The following BCAR3 variants were observed in gnomAD, a reference collection of about 807,000 sequenced individuals.
BCAR3 encodes the protein breast cancer anti-estrogen resistance protein 3.
Under a neutral mutation model 80.1 loss-of-function variants are expected in BCAR3, and 37 were observed. The observed-to-expected ratio is 0.46, with a 90% CI of 0.36 to 0.61. The LOEUF (loss-of-function observed/expected upper bound fraction) is 0.61. Ranked by LOEUF, BCAR3 falls within the 20% of genes least tolerant of loss-of-function variation. The pLI, the probability that BCAR3 is intolerant of heterozygous loss-of-function variation, is 0.00. For synonymous variants in BCAR3, 389 were observed against 418.9 expected, an observed-to-expected ratio of 0.93 and a Z score of 0.87; for missense variants, 978 against 1,068.2, an observed-to-expected ratio of 0.92 and a Z score of 1.18.
intron 3 of BCAR3, among the ~76,000 whole-genome samples, chr1:93,600,185 T>A (rs888919449): frequency 3.3e-5 from 5 of 152,264 alleles, no homozygotes; most frequent in African/African-American, 1.2e-4. Flanking sequence ...GCCTGGTCCC[T>A]GGGGGCGCAG....
chr1:93,696,494 C>A (rs884869), intron 3 of BCAR3, among the ~76,000 whole-genome samples: 109,601 of 151,730 alleles, frequency 0.72, 41,896 homozygotes, highest in East Asian at 0.98. Context: ...CTTCCCCCAC[C>A]ACCACTCTGG....
intron 3 of BCAR3, among the ~76,000 whole-genome samples, chr1:93,603,422 A>G (rs749269141): frequency 6.6e-6 from 1 of 152,216 alleles, no homozygotes; most frequent in Non-Finnish European, 1.5e-5. Flanking sequence ...TTCACTCAAG[A>G]GGCACTCTAC....
At chr1:93,831,430 G>A (rs958942192) in intron 2 of BCAR3, among the ~76,000 whole-genome samples, 3 of 152,128 alleles carry the variant, frequency 2.0e-5, no homozygotes, top group Admixed American at 2.0e-4. Context: ...AAACTTGACA[G>A]TAGTTCCAAG....
At chr1:93,801,101 C>T (rs1471879180) in intron 2 of BCAR3, among the ~76,000 whole-genome samples, 2 of 152,154 alleles carry the variant, frequency 1.3e-5, no homozygotes, top group Non-Finnish European at 2.9e-5. Context: ...TCCTCTTTTC[C>T]TTTTCTTCCT....
At chr1:93,809,978 A>G (rs1190560680) in intron 2 of BCAR3, among the ~76,000 whole-genome samples, 1 of 151,980 alleles carries the variant, frequency 6.6e-6, no homozygotes, top group East Asian at 1.9e-4. Flanking sequence ...AGGCAGGTGG[A>G]TCACCTGAGG....
intron 2 of BCAR3, among the ~76,000 whole-genome samples, chr1:93,736,492 G>A (rs557352154): frequency 1.8e-4 from 28 of 152,256 alleles, no homozygotes; most frequent in Middle Eastern, 3.4e-3. Flanking sequence ...TGGCCAATAA[G>A]CAGTTTAATT....
At chr1:93,661,341 C>T (rs1647643990) in intron 2 of BCAR3, among the ~76,000 whole-genome samples, 1 of 151,344 alleles carries the variant, frequency 6.6e-6, no homozygotes, top group African/African-American at 2.4e-5. Flanking sequence ...ACCCGGCCTA[C>T]AAATTTTTGT....
intron 3 of BCAR3, among the ~76,000 whole-genome samples, chr1:93,704,423 G>T (rs1211885181): frequency 6.6e-6 from 1 of 152,168 alleles, no homozygotes; most frequent in Non-Finnish European, 1.5e-5. Flanking sequence ...CATCTATAAG[G>T]TAGGTACTGC....
intron 2 of BCAR3, among the ~76,000 whole-genome samples, chr1:93,771,112 CA>C (rs1170552479): frequency 5.3e-5 from 8 of 152,154 alleles, no homozygotes; most frequent in African/African-American, 1.9e-4. Context: ...ACTGTGTTCT[CA>C]TTTTATCCTT....
In BCAR3 at chr1:93,726,190, G is replaced by T. The variant is rs185966803; in HGVS notation, c.-62-20048C>A. Among the ~76,000 whole-genome samples the T allele has an allele frequency of 5.6e-4, 85 of 152,072 alleles. No homozygotes were observed. The Middle Eastern group carries it at 0.017, about 30-fold the overall frequency. On this transcript the variant is annotated intron_variant, in intron 2 of 13. Coordinates refer to the BCAR3 transcript ENST00000370244. ...AGCGGTTCTCCCACCTCAGCCTCCT[G>T]AGTAGCTTAGACCACAAGTGCATAC...
At chr1:93,819,048 A>C (rs938270658) in intron 2 of BCAR3, among the ~76,000 whole-genome samples, 11 of 151,822 alleles carry the variant, frequency 7.2e-5, no homozygotes, top group Non-Finnish European at 1.3e-4. Flanking sequence ...TGTTGTTATA[A>C]TTGTATACTC....
chr1:93,741,340 T>C lies in BCAR3; in HGVS notation c.-62-35198A>G, dbSNP rs146570979. Among the ~76,000 whole-genome samples the C allele has an allele frequency of 1.5e-4, 23 of 152,302 alleles. No individual in the cohort carries two copies. In the East Asian group the frequency reaches 3.9e-3, roughly 26 times the overall value. On this transcript the variant is annotated intron_variant, in intron 2 of 13. Transcript: ENST00000370244. ...CCATTACAGTTCAATATCAAGATCA[T>C]GGACTCAGGTCAGACTGTTTGTGAT...
At chr1:93,780,584 A>AC (rs1652731320) in intron 2 of BCAR3, among the ~76,000 whole-genome samples, 2 of 151,822 alleles carry the variant, frequency 1.3e-5, no homozygotes, top group South Asian at 4.2e-4. Context: ...AAAAAAAAAA[A>AC]CAAGATGGAG....
intron 2 of BCAR3, among the ~76,000 whole-genome samples, chr1:93,787,494 G>A (rs1179166687): frequency 6.6e-6 from 1 of 152,178 alleles, no homozygotes; most frequent in Admixed American, 6.5e-5. Context: ...TTTCCCAAAG[G>A]TTTTGATAAG....
At chr1:93,652,093 A>C (rs1173082623) in intron 2 of BCAR3, among the ~76,000 whole-genome samples, 2 of 152,222 alleles carry the variant, frequency 1.3e-5, no homozygotes, top group Non-Finnish European at 2.9e-5. Context: ...AGCCGAGAAA[A>C]GGATAAGACT....
intron 3 of BCAR3, among the ~76,000 whole-genome samples, chr1:93,705,940 G>A (rs1432423795): frequency 6.6e-6 from 1 of 152,178 alleles, no homozygotes; most frequent in African/African-American, 2.4e-5. Flanking sequence ...CTACGCTGGA[G>A]CTTCTGCAGG....
At chr1:93,606,032 C>T (rs1470793968) in intron 3 of BCAR3, among the ~76,000 whole-genome samples, 4 of 152,198 alleles carry the variant, frequency 2.6e-5, no homozygotes, top group African/African-American at 9.7e-5. Context: ...CATCACATGT[C>T]AGTGCTAAGT....
At chr1:93,568,583 C>T (rs934411708) in intron 9 of BCAR3, among the ~76,000 whole-genome samples, 1 of 152,116 alleles carries the variant, frequency 6.6e-6, no homozygotes, top group Non-Finnish European at 1.5e-5. Flanking sequence ...TTCCAGTGTA[C>T]CTGAAGAATT....
In BCAR3 at chr1:93,802,449, C is replaced by T. The variant is rs189757593; in HGVS notation, c.-63+43118G>A. Among the ~76,000 whole-genome samples the T allele has an allele frequency of 1.4e-3, 208 of 152,310 alleles. 2 individuals are homozygous for T. Among genetic ancestry groups the T allele is most frequent in the African/African-American group, 4.7e-3 (196 of 41,578 alleles). ...AATGGCCAAGATTCATAATTTCTTA[C>T]AGCTAGACTAAACTCCTAAGTAAAA... On this transcript the variant is annotated intron_variant, in intron 2 of 13. Transcript: ENST00000370244.
Sources: allele counts gnomAD v4.1 joint callset (sites outside exome capture counted in the v4.1 genomes callset), GRCh38; gene constraint gnomAD v4.1.1; transcripts MANE v1.5; gene names NCBI Gene and HGNC (gene_info 2026-07-23, HGNC 2026-07-21).